Variants in SMAP1 observed in about 807,000 individuals in gnomAD.
SMAP1 encodes stromal membrane-associated protein 1.
In SMAP1, 24 loss-of-function variants were observed where a neutral mutation model predicts 58.5. The ratio of observed to expected loss-of-function variants is 0.41; its 90% CI spans 0.30 to 0.58. The LOEUF (loss-of-function observed/expected upper bound fraction) is 0.58, where lower values mean the gene tolerates loss of function less well. SMAP1 is among the 20% of genes least tolerant of loss of function. SMAP1 has a pLI of 0.29. For synonymous variants in SMAP1, 216 were observed against 196.6 expected (o/e 1.10, Z -0.82); for missense variants, 563 against 566.3 (o/e 0.99, Z 0.06).
intron 1 of SMAP1, among the ~76,000 whole-genome samples, chr6:70,669,032 C>G (rs1388071804): frequency 6.6e-6 from 1 of 152,004 alleles, no homozygotes; most frequent in African/African-American, 2.4e-5. Context: ...AACAGATATA[C>G]TATTTTTAGC....
intron 6 of SMAP1, among the ~76,000 whole-genome samples, chr6:70,830,042 G>A (rs113059379): frequency 0.034 from 5,130 of 152,262 alleles, 110 homozygotes; most frequent in South Asian, 0.069. Context: ...TAATTTGAAC[G>A]AGACATCTGC....
intron 3 of SMAP1, among the ~76,000 whole-genome samples, chr6:70,761,443 G>A (rs1432521109): frequency 1.3e-5 from 2 of 152,100 alleles, no homozygotes; most frequent in African/African-American, 4.8e-5. Flanking sequence ...ATTGATCTAT[G>A]TCAGTATAAC....
chr6:70,741,379 C>T (rs1412286320), intron 2 of SMAP1, among the ~76,000 whole-genome samples: 3 of 152,206 alleles, frequency 2.0e-5, no homozygotes, highest in Non-Finnish European at 4.4e-5. Context: ...CCACAGGCCC[C>T]ATGCAAGTCG....
chr6:70,713,706 A>T (rs1315630809), intron 1 of SMAP1, among the ~76,000 whole-genome samples: 1 of 152,156 alleles, frequency 6.6e-6, no homozygotes, highest in Admixed American at 6.5e-5. Context: ...CTTGAAAAGA[A>T]TGTATATTCT....
At chr6:70,788,382 A>G (rs1056839300) in intron 4 of SMAP1, among the ~76,000 whole-genome samples, 2 of 151,674 alleles carry the variant, frequency 1.3e-5, no homozygotes, top group African/African-American at 2.4e-5. Context: ...GCACACCAAC[A>G]TGGCACATGT....
At chr6:70,837,127 G>T in intron 7 of SMAP1, 99 bp downstream of exon 7, 1 of 783,200 alleles carries the variant, frequency 1.3e-6, no homozygotes, top group Non-Finnish European at 1.9e-6. Context: ...ATGCCAAAAC[G>T]TACCTGTTAA....
At chr6:70,672,139 C>T (rs1766292855) in intron 1 of SMAP1, among the ~76,000 whole-genome samples, 1 of 152,150 alleles carries the variant, frequency 6.6e-6, no homozygotes, top group South Asian at 2.1e-4. Context: ...TTTGTAAGAC[C>T]TAAAGGAGTT....
intron 10 of SMAP1, 32 bp from the exon 11 acceptor site, chr6:70,860,168 C>T (rs1361175311): frequency 2.5e-6 from 4 of 1,572,880 alleles, no homozygotes; most frequent in Non-Finnish European, 3.4e-6. Context: ...TGAAGTAAGC[C>T]TCTTGAACTA....
intron 1 of SMAP1, chr6:70,668,587 A>G: frequency 6.5e-7 from 1 of 1,535,616 alleles, no homozygotes; most frequent in African/African-American, 1.4e-5. Context: ...CTCCGGTGTG[A>G]CCACGTCCTC....
chr6:70,687,680 A>G (rs990147110), intron 1 of SMAP1, among the ~76,000 whole-genome samples: 7 of 152,300 alleles, frequency 4.6e-5, no homozygotes, highest in East Asian at 1.9e-4. Context: ...AAAAAAATAC[A>G]TAGACACTTG....
chr6:70,780,456 C>T (rs1767717714), intron 4 of SMAP1, among the ~76,000 whole-genome samples: 1 of 152,042 alleles, frequency 6.6e-6, no homozygotes, highest in Admixed American at 6.5e-5. Context: ...TAGAGTGTGC[C>T]TGTAGTTTCA....
At chr6:70,757,985 A>G (rs368233243) in intron 3 of SMAP1, among the ~76,000 whole-genome samples, 5 of 152,060 alleles carry the variant, frequency 3.3e-5, no homozygotes, top group African/African-American at 9.7e-5. Context: ...ATCTAGAACT[A>G]GAAATACCAT....
intron 6 of SMAP1, among the ~76,000 whole-genome samples, chr6:70,820,482 C>CG (rs1769837740): frequency 6.6e-6 from 1 of 152,080 alleles, no homozygotes. Context: ...GAGGCCGAGG[C>CG]GGGCGGATCA....
chr6:70,786,674 A>G (rs1029477010), intron 4 of SMAP1, among the ~76,000 whole-genome samples: 5 of 152,170 alleles, frequency 3.3e-5, no homozygotes, highest in African/African-American at 7.2e-5. Context: ...ACAAACAGAG[A>G]GCCAAATCAT....
rs532159702 is a variant in SMAP1 at position 70,825,131 on chromosome 6, C to T, written c.577-11810C>T. ...CAAGGAACAGTGGGGACACACATTG[C>T]GCATATATCCTGTGCTTAAGCTTAT... On this transcript the variant is annotated intron_variant, in intron 6 of 10. Coordinates refer to ENST00000370455, the MANE Select transcript of SMAP1 (RefSeq NM_001044305.3). Among the ~76,000 whole-genome samples the T allele has an allele frequency of 2.9e-4, 44 of 152,254 alleles. 1 individual carries two copies. The South Asian group carries it at 8.5e-3, about 29-fold the overall frequency.
intron 6 of SMAP1, among the ~76,000 whole-genome samples, chr6:70,804,375 C>T (rs1487219129): frequency 6.6e-6 from 1 of 151,308 alleles, no homozygotes; most frequent in Non-Finnish European, 1.5e-5. Context: ...TTATTTTGAG[C>T]CTATGTGTGT....
At chr6:70,815,276 A>C (rs546879572) in intron 6 of SMAP1, among the ~76,000 whole-genome samples, 1 of 152,178 alleles carries the variant, frequency 6.6e-6, no homozygotes, top group Non-Finnish European at 1.5e-5. Context: ...ATTAAAGTCT[A>C]ATTTATTTGA....
intron 7 of SMAP1, among the ~76,000 whole-genome samples, chr6:70,849,439 C>A (rs919452339): frequency 1.3e-4 from 20 of 151,760 alleles, no homozygotes; most frequent in African/African-American, 4.1e-4. Flanking sequence ...ATAAAAAAAA[C>A]ACATGGAAAG....
intron 6 of SMAP1, among the ~76,000 whole-genome samples, chr6:70,814,713 C>T (rs79308568): frequency 6.6e-6 from 1 of 152,126 alleles, no homozygotes; most frequent in Non-Finnish European, 1.5e-5. Context: ...TCTAGCCACT[C>T]TGACATTCAG....
Sources: gnomAD v4.1 joint callset for allele counts (sites outside exome capture counted in the v4.1 genomes callset) on GRCh38, gnomAD v4.1.1 for gene constraint, MANE v1.5 for transcripts, NCBI Gene and HGNC (gene_info 2026-07-23, HGNC 2026-07-21) for gene names.